The following CDH23 variants were observed in gnomAD, a reference collection of about 807,000 sequenced individuals.
CDH23 encodes the protein cadherin-23.
In CDH23, 189 loss-of-function variants were observed where a neutral mutation model predicts 317.1. The observed-to-expected ratio is 0.60, with a 90% CI of 0.53 to 0.67. The LOEUF is 0.67. Among genes scored for constraint, CDH23 ranks in the 30% least tolerant of loss-of-function variants. The probability of loss-of-function intolerance (pLI) is 0.00; values close to 1 mark genes in which losing one functional copy is unlikely to be tolerated. For synonymous variants in CDH23, 1,839 were observed against 1,876.8 expected (o/e 0.98, Z 0.52); for missense variants, 4,401 against 4,592.4 (o/e 0.96, Z 1.20).
At chr10:71,478,669 T>C (rs1851914063) in intron 3 of CDH23, among the ~76,000 whole-genome samples, 1 of 152,196 alleles carries the variant, frequency 6.6e-6, no homozygotes, top group Admixed American at 6.5e-5. Flanking sequence ...CTGGATCCCA[T>C]GCCTCCCCTG....
At chr10:71,707,534 A>G in intron 26 of CDH23, 1 of 1,040,282 alleles carries the variant, frequency 9.6e-7, no homozygotes, top group Non-Finnish European at 1.2e-6. Context: ...TTGTCTGCAG[A>G]GCTGTGGCCA....
chr10:71,466,367 C>G (rs946108979), intron 3 of CDH23, among the ~76,000 whole-genome samples: 2 of 151,900 alleles, frequency 1.3e-5, no homozygotes, highest in Non-Finnish European at 2.9e-5. Context: ...TGTGTGTGCT[C>G]ATGTGTGTCC....
rs368570272 is a variant in CDH23, at chr10:71,777,887, A to C, written c.5053A>C (p.Ile1685Leu). The change falls in exon 39 of 70, where the codon ATC becomes CTC. Residue 1685 changes from isoleucine (I) to leucine (L), a missense_variant. Physicochemically the swap from Ile to Leu is conservative, Grantham distance 5. Around this residue, in one of 3 missense-constraint regions of CDH23, gnomAD observed 3,068 missense variants for 3,203.3 expected, o/e 0.96. Coordinates refer to ENST00000224721, the MANE Select transcript of CDH23 (RefSeq NM_022124.6). ...AGGCAACATCGTCAACACCTTCCGC[A>C]TCGACAGACACATGGTCAGCAGCTG... is the stretch of plus-strand genomic sequence containing the variant. ...VAGNIVNTFR[I>L]DRHMGVITAA... 1 of 1,613,924 alleles carries C rather than the reference A, an allele frequency of 6.2e-7. No individual in the cohort carries two copies. The highest frequency in any genetic ancestry group is 1.3e-5 in the African/African-American group (1 of 75,006).
At chr10:71,685,426 G>T (rs1158749072) in intron 18 of CDH23, among the ~76,000 whole-genome samples, 1 of 152,226 alleles carries the variant, frequency 6.6e-6, no homozygotes, top group Non-Finnish European at 1.5e-5. Context: ...CCTAAAAGGG[G>T]CCGGAGCATG....
Position 71,809,987 on chromosome 10 carries a change from A to G in CDH23, c.8890A>G (p.Ile2964Val). 1 of 1,612,308 alleles carries G rather than the reference A, an allele frequency of 6.2e-7. No individual in the cohort carries two copies. Among genetic ancestry groups the G allele is most frequent in the East Asian group, 2.2e-5 (1 of 44,890 alleles). Residue 2964 changes from isoleucine (I) to valine (V), a missense_variant, in exon 61 of 70, where the codon ATC becomes GTC. Physicochemically the swap from Ile to Val is conservative, Grantham distance 29. This residue lies in a region of CDH23 where 1,144 missense variants were observed against 1,138.2 expected (regional missense o/e 1.01). Coordinates refer to ENST00000224721, the MANE Select transcript of CDH23 (RefSeq NM_022124.6). The part of the protein sequence containing the change: ...DQRVKIVINE[I>V]PDRVRGFEEE... The stretch of plus-strand genomic sequence containing the variant: ...GCGCGTCAAGATCGTCATTAACGAG[A>G]TCCCCGACCGTGTGCGCGGCTTCGA...
At chr10:71,658,754 C>T (rs1863521987) in intron 14 of CDH23, among the ~76,000 whole-genome samples, 2 of 152,196 alleles carry the variant, frequency 1.3e-5, no homozygotes, top group South Asian at 2.1e-4. Flanking sequence ...CCAGCCATGC[C>T]GGGATTCAGA....
chr10:71,648,358 C>T (rs758786187), intron 14 of CDH23, among the ~76,000 whole-genome samples: 2 of 152,204 alleles, frequency 1.3e-5, no homozygotes, highest in Admixed American at 1.3e-4. Flanking sequence ...GGGTAAAAGG[C>T]AGCCAACAGC....
chr10:71,612,386 G>A (rs1860956877), intron 9 of CDH23, among the ~76,000 whole-genome samples: 1 of 151,976 alleles, frequency 6.6e-6, no homozygotes, highest in Admixed American at 6.6e-5. Context: ...GTTTGGAGTG[G>A]GCAGTGTGTA....
At chr10:71,443,700 G>A (rs1408790924) in intron 2 of CDH23, among the ~76,000 whole-genome samples, 1 of 152,230 alleles carries the variant, frequency 6.6e-6, no homozygotes, top group African/African-American at 2.4e-5. Flanking sequence ...GGGAAGCTGG[G>A]ATTCTCCTTC....
At position 71,443,618 on chromosome 10, in the gene CDH23, T is replaced by G. The variant is rs979488566; in HGVS notation, c.68-2700T>G. Among the ~76,000 whole-genome samples the G allele has an allele frequency of 2.6e-5, 4 of 152,340 alleles. No homozygotes were observed. In the East Asian group the frequency reaches 7.7e-4, roughly 29 times the overall value. On this transcript the variant is annotated intron_variant, in intron 2 of 69. Transcript: ENST00000224721. ...GAGGGCGGGAGAGGGCTCAGGGCAG[T>G]GCTCACAAGCCACAGACCCACAATG... is the stretch of plus-strand genomic sequence containing the variant.
At chr10:71,760,848 G>T (rs200189378) in intron 38 of CDH23, 230 of 1,607,918 alleles carry the variant, frequency 1.4e-4, no homozygotes, top group Middle Eastern at 3.3e-4. Flanking sequence ...CCCAAAAGGG[G>T]CAAGAGGTTG....
At chr10:71,593,205 G>C (rs559445479) in intron 9 of CDH23, among the ~76,000 whole-genome samples, 2 of 152,138 alleles carry the variant, frequency 1.3e-5, no homozygotes, top group Non-Finnish European at 2.9e-5. Context: ...ATATGATAAA[G>C]GTGGCACCGC....
intron 3 of CDH23, among the ~76,000 whole-genome samples, chr10:71,480,785 G>A (rs973876088): frequency 4.0e-5 from 6 of 151,760 alleles, no homozygotes; most frequent in African/African-American, 1.2e-4. Flanking sequence ...GTGTGGTCTC[G>A]GCTCACACAA....
intron 1 of CDH23, among the ~76,000 whole-genome samples, chr10:71,437,151 C>T (rs778973547): frequency 4.6e-5 from 7 of 152,208 alleles, no homozygotes; most frequent in Non-Finnish European, 7.3e-5. Context: ...CATAGGCCCT[C>T]TCATATACTG....
At chr10:71,602,435 A>G (rs1013211732) in intron 9 of CDH23, among the ~76,000 whole-genome samples, 2 of 152,316 alleles carry the variant, frequency 1.3e-5, no homozygotes, top group East Asian at 3.9e-4. Flanking sequence ...CCAAAGCCAC[A>G]TAGCTAGAAG....
chr10:71,667,359 A>AGAGTGT (rs58361666), intron 14 of CDH23, among the ~76,000 whole-genome samples: 145 of 112,096 alleles, frequency 1.3e-3, no homozygotes, highest in African/African-American at 4.4e-3. Flanking sequence ...AGAGAGAGAG[A>AGAGTGT]GTGTGTGTGT....
At chr10:71,416,818 C>T (rs1378953475) in intron 1 of CDH23, among the ~76,000 whole-genome samples, 1 of 152,094 alleles carries the variant, frequency 6.6e-6, no homozygotes, top group African/African-American at 2.4e-5. Context: ...CAAGCATGTG[C>T]CACCATGCCA....
At chr10:71,797,891 T>C (rs946514776) in intron 49 of CDH23, among the ~76,000 whole-genome samples, 2 of 151,984 alleles carry the variant, frequency 1.3e-5, no homozygotes, top group African/African-American at 4.8e-5. Context: ...ACAGCTGCTA[T>C]AGGGGAAGCC....
At chr10:71,731,663 C>T (rs1839389615) in intron 31 of CDH23, among the ~76,000 whole-genome samples, 1 of 152,146 alleles carries the variant, frequency 6.6e-6, no homozygotes, top group African/African-American at 2.4e-5. Flanking sequence ...TCATTTCCCC[C>T]AATGCTTGTA....
Sources: gnomAD v4.1 joint callset for allele counts (sites outside exome capture counted in the v4.1 genomes callset) on GRCh38, gnomAD v4.1.1 for gene constraint, gnomAD v4.1.1 regional missense constraint, MANE v1.5 for transcripts, NCBI Gene and HGNC (gene_info 2026-07-23, HGNC 2026-07-21) for gene names.